SQSTM1: variants seen among roughly 807,000 people sequenced by gnomAD.
SQSTM1 encodes the protein sequestosome 1, also known as sequestosome-1.
In SQSTM1, 36 loss-of-function variants were observed where a neutral mutation model predicts 45.1. The ratio of observed to expected loss-of-function variants is 0.80; its 90% CI spans 0.61 to 1.05. SQSTM1 has a LOEUF of 1.05. Among genes scored for constraint, SQSTM1 ranks in the 50% least tolerant of loss-of-function variants. The probability of loss-of-function intolerance (pLI) is 0.00; values close to 1 mark genes in which losing one functional copy is unlikely to be tolerated. For synonymous variants in SQSTM1, 290 were observed against 244.3 expected (o/e 1.19, Z -1.74); for missense variants, 617 against 607.1 (o/e 1.02, Z -0.17).
upstream of SQSTM1, among the ~76,000 whole-genome samples, chr5:179,819,693 GGCATTTTCCACTCTCCACCGCCGGAT>G (rs1056910284): frequency 8.5e-5 from 13 of 152,324 alleles, no homozygotes; most frequent in African/African-American, 2.4e-4. Flanking sequence ...CAGGCCCTGG[GGCATTTTCCACTCTCCACCGCCGGAT>G]GCAGGGAGAG....
upstream of SQSTM1, among the ~76,000 whole-genome samples, chr5:179,816,400 G>T (rs1757578281): frequency 6.7e-6 from 1 of 148,180 alleles, no homozygotes; most frequent in Non-Finnish European, 1.5e-5. Context: ...CGCCCACCTC[G>T]GCCTCCCAGT....
Position 179,837,860 on chromosome 5 carries a change from A to T in SQSTM1, c.*1267A>T. ...GAGGCAGGGGCTGCTGCCTTGTTTC[A>T]CCTTCCATGTCAGGCCAGCCTGTCC... On this transcript the variant is annotated 3_prime_UTR_variant, in exon 8 of 8. Coordinates refer to ENST00000389805, the MANE Select transcript of SQSTM1 (RefSeq NM_003900.5). 2.5e-6 allele frequency: 4 copies of T among 1,607,036 alleles called. No homozygotes were observed. The highest frequency in any genetic ancestry group is 3.4e-6 in the Non-Finnish European group (4 of 1,179,604).
chr5:179,822,073 A>T (rs513165), intron 1 of SQSTM1, among the ~76,000 whole-genome samples: 1 of 152,214 alleles, frequency 6.6e-6, no homozygotes, highest in Admixed American at 6.5e-5. Context: ...AGAGCTTTTC[A>T]TCACCTTATA....
intron 5 of SQSTM1, among the ~76,000 whole-genome samples, chr5:179,826,817 T>C (rs1355111076): frequency 6.6e-6 from 1 of 150,426 alleles, no homozygotes; most frequent in Non-Finnish European, 1.5e-5. Context: ...GCCAGGCTGA[T>C]CTCGACACCT....
chr5:179,830,181 C>T (rs4305614), intron 5 of SQSTM1, among the ~76,000 whole-genome samples: 1 of 152,180 alleles, frequency 6.6e-6, no homozygotes, highest in Non-Finnish European at 1.5e-5. Flanking sequence ...CCATTATCTT[C>T]TAGATTGAAA....
upstream of SQSTM1, among the ~76,000 whole-genome samples, chr5:179,818,723 AC>A (rs1340578533): frequency 3.3e-5 from 5 of 152,106 alleles, no homozygotes; most frequent in African/African-American, 1.2e-4. Flanking sequence ...TCGCACACCC[AC>A]GGGGCATCGC....
At chr5:179,821,730 T>C (rs1419002138) in intron 1 of SQSTM1, 3 of 321,242 alleles carry the variant, frequency 9.3e-6, no homozygotes, top group East Asian at 2.6e-4. Flanking sequence ...TGTTTTCCCA[T>C]TGGCAAGTGG....
rs369114803 is a variant in SQSTM1 at position 179,836,613 on chromosome 5, C to A, written c.*20C>A. The A allele has an allele frequency of 1.2e-5, 19 of 1,611,704 alleles. No individual in the cohort carries two copies. The African/African-American group carries it at 2.3e-4, about 20-fold the overall frequency. On this transcript the variant is annotated 3_prime_UTR_variant, in exon 8 of 8. Coordinates refer to ENST00000389805, the MANE Select transcript of SQSTM1 (RefSeq NM_003900.5). ...TTGTGACCACTTTTGCCCACCTCTTCTGCGTGCCCCTCTTCTGTCTCATAG... is the reference window on the plus strand; with the variant it reads ...TTGTGACCACTTTTGCCCACCTCTTATGCGTGCCCCTCTTCTGTCTCATAG...
intron 6 of SQSTM1, 165 bp downstream of exon 6, chr5:179,833,411 C>A: frequency 1.0e-6 from 1 of 991,910 alleles, no homozygotes; most frequent in Non-Finnish European, 1.5e-6. Flanking sequence ...TGGGAACCTG[C>A]TAGAACTTTG....
chr5:179,816,554 A>G (rs183884881), upstream of SQSTM1, among the ~76,000 whole-genome samples: 516 of 152,326 alleles, frequency 3.4e-3, 1 homozygote, highest in Non-Finnish European at 6.1e-3. Context: ...CCCGTTCAGT[A>G]TAGACGGGGT....
chr5:179,824,634 T>C (rs781777579), intron 4 of SQSTM1, among the ~76,000 whole-genome samples: 7 of 152,234 alleles, frequency 4.6e-5, no homozygotes, highest in Non-Finnish European at 7.3e-5. Context: ...GGGTCTTTGA[T>C]GCACTTTGTT....
chr5:179,814,782 G>A (rs755643184), upstream of SQSTM1, among the ~76,000 whole-genome samples: 48 of 152,184 alleles, frequency 3.2e-4, no homozygotes, highest in Non-Finnish European at 6.9e-4. Context: ...CAAGCTGGGT[G>A]AGGTGGCTCA....
At chr5:179,828,042 T>C (rs1758067795) in intron 5 of SQSTM1, among the ~76,000 whole-genome samples, 1 of 152,212 alleles carries the variant, frequency 6.6e-6, no homozygotes, top group South Asian at 2.1e-4. Context: ...TCGTGGGATC[T>C]TTGATAAACC....
Position 179,837,266 on chromosome 5 carries a change from TAGAG to T in SQSTM1, c.*677_*680del, listed in dbSNP as rs1190494573. On this transcript the variant is annotated 3_prime_UTR_variant, in exon 8 of 8. Transcript: ENST00000389805. Reference sequence around the variant, plus strand: ...AGCACTTTAACCAATGACGTTTGCATAGAGAGAAATGATTGACAGTAAGTTTATT... The same window carrying T: ...AGCACTTTAACCAATGACGTTTGCATAGAAATGATTGACAGTAAGTTTATT... The T allele has an allele frequency of 6.2e-6, 10 of 1,605,648 alleles. No individual in the cohort carries two copies. Among genetic ancestry groups the T allele is most frequent in the East Asian group, 2.2e-5 (1 of 44,884 alleles).
At position 179,838,031 on chromosome 5, in the gene SQSTM1, G is replaced by C. The variant is rs866404591; in HGVS notation, c.*1438G>C. On this transcript the variant is annotated 3_prime_UTR_variant, in exon 8 of 8. Transcript: ENST00000389805. ...TCAGGCTGGGACAGGCTTTGATTTTGAGGGTTAGCAAGACAAAGCAAATAA... is the reference window on the plus strand; with the variant it reads ...TCAGGCTGGGACAGGCTTTGATTTTCAGGGTTAGCAAGACAAAGCAAATAA... 1.9e-5 allele frequency: 14 copies of C among 733,572 alleles called. No individual in the cohort carries two copies. The highest frequency in any genetic ancestry group is 1.2e-4 in the Admixed American group (4 of 34,294). The allele number at this position is 733,572 out of a possible 1,614,324, so 45.4% of individuals were successfully genotyped here.
chr5:179,815,154 C>G (rs1452593944), upstream of SQSTM1, among the ~76,000 whole-genome samples: 2 of 152,156 alleles, frequency 1.3e-5, no homozygotes, highest in South Asian at 4.1e-4. Flanking sequence ...TGGTGGCTCA[C>G]GCCTGTAATC....
rs764211030 is a variant in SQSTM1, at chr5:179,837,087, C to T, written c.*494C>T. On this transcript the variant is annotated 3_prime_UTR_variant, in exon 8 of 8. Transcript: ENST00000389805. ...TTCCTGCTGGGACTGAGAAGGCTCA[C>T]GAAGGGCATCCGCAATGTTGGTTTC... 8 of 865,084 alleles carry T rather than the reference C, an allele frequency of 9.2e-6. No individual in the cohort carries two copies. Among genetic ancestry groups the T allele is most frequent in the Middle Eastern group, 2.2e-4 (1 of 4,614 alleles). 53.6% of individuals were successfully genotyped at this position (865,084 alleles called of 1,614,324 possible).
upstream of SQSTM1, among the ~76,000 whole-genome samples, chr5:179,814,224 A>G (rs188250178): frequency 6.6e-6 from 1 of 152,230 alleles, no homozygotes; most frequent in Non-Finnish European, 1.5e-5. Context: ...AAGAGGGCAG[A>G]GGAAAAGCTT....
chr5:179,819,772 C>G (rs1348403816), upstream of SQSTM1, among the ~76,000 whole-genome samples: 3 of 152,200 alleles, frequency 2.0e-5, no homozygotes, highest in Non-Finnish European at 4.4e-5. Context: ...AGGGTGGAAG[C>G]CTTGCCCACT....
Sources: gnomAD v4.1 joint callset for allele counts (sites outside exome capture counted in the v4.1 genomes callset) on GRCh38, gnomAD v4.1.1 for gene constraint, MANE v1.5 for transcripts, NCBI Gene and HGNC (gene_info 2026-07-23, HGNC 2026-07-21) for gene names.